PRKCB: variants seen among roughly 807,000 people sequenced by gnomAD.
The protein encoded by PRKCB is protein kinase C beta.
PRKCB carries 13 observed loss-of-function variants against 81.5 expected under a neutral mutation model. The observed-to-expected ratio is 0.16, with a 90% CI of 0.10 to 0.25. PRKCB has a LOEUF of 0.25. Among genes scored for constraint, PRKCB ranks in the 10% least tolerant of loss-of-function variants. PRKCB has a pLI of 1.00. For missense variants in PRKCB, 509 were observed against 875.7 expected (o/e 0.58, Z 5.29); for synonymous variants, 335 against 321.4 (o/e 1.04, Z -0.45).
chr16:24,190,982 T>G, intron 15 of PRKCB, 108 bp from the exon 16 acceptor site: 107 of 1,265,824 alleles, frequency 8.5e-5, no homozygotes, highest in Non-Finnish European at 1.0e-4. Context: ...TGAGTTGAGA[T>G]TCTTCATTTG....
intron 2 of PRKCB, among the ~76,000 whole-genome samples, chr16:23,846,477 G>A (rs1436125558): frequency 6.6e-6 from 1 of 151,808 alleles, no homozygotes; most frequent in East Asian, 1.9e-4. Context: ...AGGTGTGGTG[G>A]CATGTGCTTG....
At chr16:23,848,035 G>A (rs866399075) in intron 2 of PRKCB, among the ~76,000 whole-genome samples, 3 of 152,178 alleles carry the variant, frequency 2.0e-5, no homozygotes, top group African/African-American at 7.2e-5. Flanking sequence ...GCAGGGGAGG[G>A]TGTTTCAGGC....
At position 24,216,051 on chromosome 16, in the gene PRKCB, C is replaced by G; in HGVS notation, c.*1235C>G. The G allele has an allele frequency of 8.1e-6, 8 of 983,664 alleles. No homozygotes were observed. The highest frequency in any genetic ancestry group is 9.6e-6 in the Non-Finnish European group (8 of 829,524). The allele number at this position is 983,664 out of a possible 1,614,324, so 60.9% of individuals were successfully genotyped here. A position where few individuals can be genotyped will look rare whatever the true frequency, so the allele number is the denominator to read the frequency against. On this transcript the variant is annotated 3_prime_UTR_variant, in exon 17 of 17. Transcript: ENST00000643927. ...AAGGAAAACTGCTCTTTTTGAGAAACGTGGACCTAAACTACAAAGTGGGAA... is the reference window on the plus strand; with the variant it reads ...AAGGAAAACTGCTCTTTTTGAGAAAGGTGGACCTAAACTACAAAGTGGGAA...
intron 2 of PRKCB, among the ~76,000 whole-genome samples, chr16:23,875,234 T>C (rs1962975097): frequency 6.6e-6 from 1 of 151,938 alleles, no homozygotes; most frequent in Admixed American, 6.6e-5. Flanking sequence ...AGATGAGGTC[T>C]CACTATGTTG....
intron 12 of PRKCB, chr16:24,174,886 G>A (rs1596582652): frequency 3.5e-6 from 1 of 286,394 alleles, no homozygotes; most frequent in East Asian, 6.0e-5. Flanking sequence ...TCTCTTGCTT[G>A]TGGACCCTAC....
At position 24,173,101 on chromosome 16, in the gene PRKCB, C is replaced by T. The variant is rs1047070145; in HGVS notation, c.1331+740C>T. Among the ~76,000 whole-genome samples the T allele has an allele frequency of 9.2e-5, 14 of 151,996 alleles. No homozygotes were observed. In the East Asian group the frequency reaches 1.2e-3, roughly 13 times the overall value. ...ATGTTCTTTATCTTACACCACTCTC[C>T]GTCTTAGATGCCTTCACTCCATGGG... On this transcript the variant is annotated intron_variant, in intron 11 of 16. Coordinates refer to ENST00000643927, the MANE Select transcript of PRKCB (RefSeq NM_002738.7).
intron 2 of PRKCB, among the ~76,000 whole-genome samples, chr16:23,882,021 T>TCTTTCTTTCTTCCTTCCTTCCTTC: frequency 0.027 from 1,502 of 55,610 alleles, 117 homozygotes; most frequent in Non-Finnish European, 0.036. Context: ...TTTCTTTCTT[T>TCTTTCTTTCTTCCTTCCTTCCTTC]CTTCCTTCCT....
chr16:23,868,501 C>T (rs770767369), intron 2 of PRKCB, among the ~76,000 whole-genome samples: 1 of 152,172 alleles, frequency 6.6e-6, no homozygotes, highest in Non-Finnish European at 1.5e-5. Flanking sequence ...TCACAATGAC[C>T]TATCAGTTAC....
intron 2 of PRKCB, among the ~76,000 whole-genome samples, chr16:23,911,411 C>T (rs554014794): frequency 2.6e-5 from 4 of 151,754 alleles, no homozygotes; most frequent in South Asian, 2.1e-4. Flanking sequence ...TACAGGCATG[C>T]GCTACCATGC....
chr16:23,929,912 G>A (rs1261826993), intron 2 of PRKCB, among the ~76,000 whole-genome samples: 5 of 151,908 alleles, frequency 3.3e-5, no homozygotes, highest in Non-Finnish European at 5.9e-5. Context: ...ATGAGATGGT[G>A]GGGCACAGCG....
intron 2 of PRKCB, 143 bp downstream of exon 2, chr16:23,837,549 C>A: frequency 9.5e-7 from 1 of 1,055,642 alleles, no homozygotes; most frequent in Non-Finnish European, 1.4e-6. Context: ...TTCACCACAA[C>A]AGGGTCCTTT....
chr16:24,027,218 C>G (rs543474161), intron 3 of PRKCB, among the ~76,000 whole-genome samples: 1 of 152,212 alleles, frequency 6.6e-6, no homozygotes, highest in South Asian at 2.1e-4. Flanking sequence ...TCGTTCAACT[C>G]CCACTTATGA....
At chr16:24,173,503 G>T (rs969022637) in intron 11 of PRKCB, among the ~76,000 whole-genome samples, 11 of 152,126 alleles carry the variant, frequency 7.2e-5, no homozygotes, top group African/African-American at 2.4e-4. Flanking sequence ...GTTCTGATAG[G>T]ATTTGCATTA....
intron 7 of PRKCB, 58 bp downstream of exon 7, chr16:24,094,355 C>A: frequency 6.3e-7 from 1 of 1,575,946 alleles, no homozygotes; most frequent in South Asian, 1.2e-5. Flanking sequence ...AACGCGGGGT[C>A]AAGTATGTTT....
At chr16:24,067,235 GTTATT>G (rs1275379461) in intron 5 of PRKCB, among the ~76,000 whole-genome samples, 1 of 152,096 alleles carries the variant, frequency 6.6e-6, no homozygotes, top group Non-Finnish European at 1.5e-5. Flanking sequence ...ATCTTAATAA[GTTATT>G]TTAAAGTTCA....
At chr16:24,038,504 A>G (rs752092004) in intron 5 of PRKCB, among the ~76,000 whole-genome samples, 5 of 152,280 alleles carry the variant, frequency 3.3e-5, no homozygotes, top group African/African-American at 4.8e-5. Flanking sequence ...CACCCTGACC[A>G]ATGTCACATG....
chr16:23,934,801 C>T (rs1005469307), intron 2 of PRKCB, among the ~76,000 whole-genome samples: 5 of 151,888 alleles, frequency 3.3e-5, no homozygotes, highest in Non-Finnish European at 7.4e-5. Context: ...CAGTTGAGGC[C>T]CTTGGGGTTG....
chr16:23,887,396 G>A (rs1963220692), intron 2 of PRKCB, among the ~76,000 whole-genome samples: 1 of 152,126 alleles, frequency 6.6e-6, no homozygotes, highest in South Asian at 2.1e-4. Flanking sequence ...CCATATTTGT[G>A]TCTGTGTATA....
chr16:23,899,130 C>T (rs566093053), intron 2 of PRKCB, among the ~76,000 whole-genome samples: 37 of 152,296 alleles, frequency 2.4e-4, no homozygotes, highest in Admixed American at 1.0e-3. Flanking sequence ...AGAAGTAGAA[C>T]TCTTGGAAGT....
Sources: gnomAD v4.1 joint callset for allele counts (sites outside exome capture counted in the v4.1 genomes callset) on GRCh38, gnomAD v4.1.1 for gene constraint, MANE v1.5 for transcripts, NCBI Gene and HGNC (gene_info 2026-07-23, HGNC 2026-07-21) for gene names.